Variants in IL1R1 observed in about 807,000 individuals in gnomAD.
The protein encoded by IL1R1 is interleukin 1 receptor type 1, also known as interleukin-1 receptor type 1.
IL1R1 carries 22 observed loss-of-function variants against 50.2 expected under a neutral mutation model. That is an observed-to-expected ratio of 0.44 (90% CI 0.31 to 0.63). IL1R1 has a LOEUF of 0.63. Among genes scored for constraint, IL1R1 ranks in the 20% least tolerant of loss-of-function variants. IL1R1 has a pLI of 0.07. For missense variants in IL1R1, 509 were observed against 676.2 expected (o/e 0.75, Z 2.74); for synonymous variants, 251 against 236.7 (o/e 1.06, Z -0.55).
chr2:102,168,980 T>A (rs1247410933), intron 7 of IL1R1, among the ~76,000 whole-genome samples: 1 of 147,798 alleles, frequency 6.8e-6, no homozygotes, highest in Non-Finnish European at 1.5e-5. Flanking sequence ...ATTTCTTTCT[T>A]TTTTTTTTTT....
upstream of IL1R1, among the ~76,000 whole-genome samples, chr2:102,101,866 A>C (rs1450810305): frequency 6.6e-6 from 1 of 152,186 alleles, no homozygotes; most frequent in Non-Finnish European, 1.5e-5. Flanking sequence ...GAGATTATCC[A>C]TTAACTTCTG....
In IL1R1 at chr2:102,094,970, G is replaced by A. The variant is rs547119879; in HGVS notation, c.-84+24437G>A. 1.2e-3 allele frequency among the ~76,000 whole-genome samples: 177 copies of A among 152,306 alleles called. 2 individuals carry two copies. The highest frequency in any genetic ancestry group is 1.7e-3 in the Non-Finnish European group (117 of 68,036). On this transcript the variant is annotated intron_variant, in intron 1 of 11. Coordinates refer to the IL1R1 transcript ENST00000409929. ...CAAGAGTGACGAATTACAAAGGGGCGTGAGAAAAATTTTAGGATGGTGGAC... is the reference window on the plus strand; with the variant it reads ...CAAGAGTGACGAATTACAAAGGGGCATGAGAAAAATTTTAGGATGGTGGAC...
intron 9 of IL1R1, among the ~76,000 whole-genome samples, chr2:102,173,722 G>C (rs3917312): frequency 0.024 from 3,650 of 152,282 alleles, 101 homozygotes; most frequent in African/African-American, 0.065. Flanking sequence ...AGCAGTATTT[G>C]TACAAGTGAG....
intron 3 of IL1R1, among the ~76,000 whole-genome samples, chr2:102,160,395 C>T (rs3917256): frequency 0.84 from 128,233 of 152,070 alleles, 54,446 homozygotes; most frequent in East Asian, 0.99. Context: ...CTCTCTGATC[C>T]ATATTACTAT....
intron 2 of IL1R1, among the ~76,000 whole-genome samples, chr2:102,154,822 T>A (rs871656): frequency 0.22 from 33,969 of 152,196 alleles, 4,088 homozygotes; most frequent in African/African-American, 0.3. Context: ...AACCTCTGCA[T>A]GTTGTGGGAA....
Position 102,083,395 on chromosome 2 carries a change from C to T in IL1R1, c.-84+12862C>T, listed in dbSNP as rs184071021. Among the ~76,000 whole-genome samples, 8 of 152,054 alleles carry T rather than the reference C, an allele frequency of 5.3e-5. No homozygotes were observed. The East Asian group carries it at 7.7e-4, about 15-fold the overall frequency. On this transcript the variant is annotated intron_variant, in intron 1 of 11. Coordinates refer to the IL1R1 transcript ENST00000409929. ...ATGGATGGTGTGTTCCCCAGAGTGCCGAGGTATTTCTGGGTGAAGTAATAT... is the reference window on the plus strand; with the variant it reads ...ATGGATGGTGTGTTCCCCAGAGTGCTGAGGTATTTCTGGGTGAAGTAATAT...
intron 1 of IL1R1, among the ~76,000 whole-genome samples, chr2:102,090,449 G>A (rs570027452): frequency 2.9e-3 from 447 of 152,228 alleles, no homozygotes; most frequent in Non-Finnish European, 4.9e-3. Context: ...TTATACATAT[G>A]TTAGACTTCT....
chr2:102,112,746 C>T (rs557906948), intron 1 of IL1R1, among the ~76,000 whole-genome samples: 82 of 152,092 alleles, frequency 5.4e-4, no homozygotes, highest in African/African-American at 1.7e-3. Context: ...TTTTTTTAGG[C>T]GTTGGGTTTT....
At chr2:102,133,404 C>T (rs982531590) in intron 1 of IL1R1, among the ~76,000 whole-genome samples, 2 of 152,144 alleles carry the variant, frequency 1.3e-5, no homozygotes, top group African/African-American at 4.8e-5. Flanking sequence ...CATGAGTTCT[C>T]CCCAACTCTG....
rs112101110 is a variant in IL1R1 at position 102,083,410 on chromosome 2, T to A, written c.-84+12877T>A. 8.9e-3 allele frequency among the ~76,000 whole-genome samples: 1,349 copies of A among 152,094 alleles called. 21 individuals carry two copies. Among genetic ancestry groups the A allele is most frequent in the African/African-American group, 0.03 (1,263 of 41,458 alleles). On this transcript the variant is annotated intron_variant, in intron 1 of 11. Transcript: ENST00000409929. ...CCCAGAGTGCCGAGGTATTTCTGGG[T>A]GAAGTAATATTGTTCCCTTGTGTGT...
chr2:102,081,951 A>G (rs1577798752), intron 1 of IL1R1, among the ~76,000 whole-genome samples: 1 of 152,340 alleles, frequency 6.6e-6, no homozygotes, highest in South Asian at 2.1e-4. Context: ...AACATGGGCT[A>G]CAGAGCATTT....
chr2:102,083,971 T>G (rs542792562), intron 1 of IL1R1, among the ~76,000 whole-genome samples: 43 of 152,198 alleles, frequency 2.8e-4, no homozygotes, highest in African/African-American at 9.9e-4. Flanking sequence ...AATAGCAATA[T>G]GTGCTTTAGC....
intron 1 of IL1R1, among the ~76,000 whole-genome samples, chr2:102,123,072 T>C (rs1681487012): frequency 6.6e-6 from 1 of 152,228 alleles, no homozygotes; most frequent in Admixed American, 6.5e-5. Context: ...TGAGTAAACA[T>C]CAACTGAAAT....
At chr2:102,114,532 C>A (rs573423889) in intron 1 of IL1R1, among the ~76,000 whole-genome samples, 1 of 152,142 alleles carries the variant, frequency 6.6e-6, no homozygotes, top group Middle Eastern at 3.2e-3. Flanking sequence ...AAGGTTTAAG[C>A]ATTTCTCGAG....
rs1454023050 is a variant in IL1R1, at chr2:102,073,981, G to T, written c.-84+3448G>T. ...CTTATTCCAATCGAACGTCTCAGTA[G>T]CTCAGTCCCAAGGAGCTCTGCCCCA... On this transcript the variant is annotated intron_variant, in intron 1 of 11. Coordinates refer to the IL1R1 transcript ENST00000409929. 1.3e-5 allele frequency among the ~76,000 whole-genome samples: 2 copies of T among 152,152 alleles called. 1 individual carries two copies. The highest frequency in any genetic ancestry group is 1.3e-4 in the Admixed American group (2 of 15,286).
chr2:102,115,218 A>C (rs1220233028), intron 1 of IL1R1, among the ~76,000 whole-genome samples: 2 of 152,224 alleles, frequency 1.3e-5, no homozygotes, highest in Non-Finnish European at 2.9e-5. Flanking sequence ...CACTGACCCG[A>C]GAAGTAGACA....
At chr2:102,133,243 CAAA>C (rs70946673) in intron 1 of IL1R1, among the ~76,000 whole-genome samples, 13 of 116,868 alleles carry the variant, frequency 1.1e-4, no homozygotes, top group Admixed American at 2.6e-4. Flanking sequence ...GACTCTGTCT[CAAA>C]AAAAAAAAAA....
At chr2:102,135,897 T>C (rs1682316648) in intron 1 of IL1R1, among the ~76,000 whole-genome samples, 1 of 152,182 alleles carries the variant, frequency 6.6e-6, no homozygotes, top group Non-Finnish European at 1.5e-5. Context: ...TTAAAATAAT[T>C]TAAATAGTCA....
intron 1 of IL1R1, among the ~76,000 whole-genome samples, chr2:102,130,647 T>C (rs912662160): frequency 5.3e-5 from 8 of 151,920 alleles, no homozygotes; most frequent in African/African-American, 1.7e-4. Flanking sequence ...GACTAAAATG[T>C]ATTAATTCTT....
Sources: allele counts gnomAD v4.1 joint callset (sites outside exome capture counted in the v4.1 genomes callset), GRCh38; gene constraint gnomAD v4.1.1; transcripts MANE v1.5; gene names NCBI Gene and HGNC (gene_info 2026-07-23, HGNC 2026-07-21).